PDCD6IP: variants seen among roughly 807,000 people sequenced by gnomAD.
PDCD6IP encodes the protein programmed cell death 6-interacting protein.
In PDCD6IP, 43 loss-of-function variants were observed where a neutral mutation model predicts 103.7. That is an observed-to-expected ratio of 0.41 (90% CI 0.32 to 0.53). The LOEUF (loss-of-function observed/expected upper bound fraction) is 0.53. Among genes scored for constraint, PDCD6IP ranks in the 20% least tolerant of loss-of-function variants. The pLI is 0.16. For missense variants in PDCD6IP, 871 were observed against 1,036.7 expected (o/e 0.84, Z 2.20); for synonymous variants, 354 against 378.7 (o/e 0.93, Z 0.76).
At chr3:33,847,692 T>C (rs1697624749) in intron 12 of PDCD6IP, among the ~76,000 whole-genome samples, 1 of 152,250 alleles carries the variant, frequency 6.6e-6, no homozygotes, top group Admixed American at 6.5e-5. Flanking sequence ...TCAGTCTCTT[T>C]GGACATCTGG....
At position 33,828,845 on chromosome 3, in the gene PDCD6IP, A is replaced by G; in HGVS notation, c.718-8A>G. The G allele has an allele frequency of 6.2e-7, 1 of 1,612,654 alleles. No individual in the cohort carries two copies. Among genetic ancestry groups the G allele is most frequent in the Non-Finnish European group, 8.5e-7 (1 of 1,179,036 alleles). On this transcript the variant is annotated splice_polypyrimidine_tract_variant and splice_region_variant and intron_variant, in intron 6 of 17. Transcript: ENST00000307296. ...GGACTCTCCCCTGGTCAGTATTTTT[A>G]TTTCCAGGAGGTGTTCCCTGTCTTG...
At chr3:33,863,340 A>G (rs1319478411) in intron 15 of PDCD6IP, among the ~76,000 whole-genome samples, 1 of 152,212 alleles carries the variant, frequency 6.6e-6, no homozygotes, top group Non-Finnish European at 1.5e-5. Flanking sequence ...ATTAACTATC[A>G]TCACCCTATG....
intron 15 of PDCD6IP, among the ~76,000 whole-genome samples, chr3:33,863,489 C>T (rs1311548464): frequency 1.3e-5 from 2 of 152,170 alleles, no homozygotes; most frequent in African/African-American, 4.8e-5. Flanking sequence ...GTTTTTAGCT[C>T]ACACATATGG....
At chr3:33,811,896 T>C (rs1472538820) in intron 1 of PDCD6IP, among the ~76,000 whole-genome samples, 176 bp from the exon 2 acceptor site, 1 of 152,234 alleles carries the variant, frequency 6.6e-6, no homozygotes, top group Non-Finnish European at 1.5e-5. Flanking sequence ...GTTCATAGTT[T>C]TTCACTGCAT....
rs759104837 is a variant in PDCD6IP at position 33,866,487 on chromosome 3, C to G, written c.2569C>G (p.Pro857Ala). ...ACCCCAGCAGCCTTCATACCCCTTC[C>G]CTCAGCCCCCACAGCAGTCTTACTA... ...PGPQQPSYPF[P>A]QPPQQSYYPQ... is the part of the protein sequence containing the mutation. Residue 857 changes from proline to alanine, a missense_variant, in exon 18 of 18, where the codon CCT becomes GCT. By Grantham distance (27) the Pro-to-Ala change is conservative. Coordinates refer to ENST00000307296, the MANE Select transcript of PDCD6IP (RefSeq NM_013374.6). The G allele has an allele frequency of 4.3e-6, 7 of 1,611,772 alleles. No homozygotes were observed. The Admixed American group carries it at 1.2e-4, about 27-fold the overall frequency.
chr3:33,863,951 A>G, intron 15 of PDCD6IP, 55 bp from the exon 16 acceptor site: 1 of 1,117,132 alleles, frequency 9.0e-7, no homozygotes. Flanking sequence ...CTGATATTTT[A>G]TGTGTGTTAA....
chr3:33,836,394 AAT>A, intron 8 of PDCD6IP, 128 bp downstream of exon 8: 1 of 614,406 alleles, frequency 1.6e-6, no homozygotes, highest in Non-Finnish European at 2.9e-6. Context: ...GTTTAAAATG[AAT>A]ATGAGAATAA....
chr3:33,855,928 A>G (rs1057245240), intron 15 of PDCD6IP, among the ~76,000 whole-genome samples: 14 of 152,194 alleles, frequency 9.2e-5, no homozygotes, highest in African/African-American at 3.4e-4. Flanking sequence ...GGGGCCTTGG[A>G]CTGGTACTGG....
intron 6 of PDCD6IP, chr3:33,826,944 T>G: frequency 1.0e-6 from 1 of 1,003,182 alleles, no homozygotes. Context: ...ATTCACACTT[T>G]TAATTATTGT....
At chr3:33,865,185 A>T in intron 16 of PDCD6IP, 58 bp from the exon 17 acceptor site, 1 of 1,214,548 alleles carries the variant, frequency 8.2e-7, no homozygotes, top group Non-Finnish European at 1.1e-6. Flanking sequence ...ATTTTAATTA[A>T]TAGCAATTTG....
At chr3:33,848,826 TTGTA>T (rs1697653114) in intron 12 of PDCD6IP, among the ~76,000 whole-genome samples, 1 of 152,228 alleles carries the variant, frequency 6.6e-6, no homozygotes, top group Admixed American at 6.5e-5. Flanking sequence ...CCTCTTCTCT[TTGTA>T]TGTTCTGTGA....
chr3:33,858,647 A>G (rs1055231205), intron 15 of PDCD6IP, among the ~76,000 whole-genome samples: 3 of 152,094 alleles, frequency 2.0e-5, no homozygotes, highest in Middle Eastern at 3.2e-3. Context: ...CGTCTCTACT[A>G]AAAATACAAA....
At chr3:33,843,785 C>T (rs1272603587) in intron 10 of PDCD6IP, among the ~76,000 whole-genome samples, 2 of 151,268 alleles carry the variant, frequency 1.3e-5, no homozygotes, top group Non-Finnish European at 2.9e-5. Context: ...ATCAGTTTTC[C>T]CCTTTTGTTT....
intron 15 of PDCD6IP, among the ~76,000 whole-genome samples, chr3:33,858,514 G>T (rs753692000): frequency 1.6e-4 from 24 of 151,556 alleles, no homozygotes; most frequent in African/African-American, 2.2e-4. Context: ...CATAAATAAA[G>T]AAATAAACAT....
chr3:33,832,643 CTT>C (rs1697267288), intron 7 of PDCD6IP, among the ~76,000 whole-genome samples: 1 of 152,138 alleles, frequency 6.6e-6, no homozygotes, highest in African/African-American at 2.4e-5. Context: ...GACATTCTGA[CTT>C]TATCACACAT....
rs772935061 is a variant in PDCD6IP at position 33,836,169 on chromosome 3, T to C, written c.960T>C (p.His320=). ...AAKKDNDFIY[H]DRVPDLKDLD... Reference sequence around the variant, plus strand: ...AGAAGGATAATGACTTCATTTATCATGATCGAGTTCCAGACCTTAAAGATC... The same window carrying C: ...AGAAGGATAATGACTTCATTTATCACGATCGAGTTCCAGACCTTAAAGATC... Residue 320 remains histidine, a synonymous_variant, in exon 8 of 18, where the codon CAT becomes CAC. Transcript: ENST00000307296. The C allele has an allele frequency of 1.9e-6, 3 of 1,613,060 alleles. No homozygotes were observed. The highest frequency in any genetic ancestry group is 1.7e-5 in the Admixed American group (1 of 60,010).
rs931298526 is a variant in PDCD6IP at position 33,867,086 on chromosome 3, A to G, written c.*561A>G. The G allele has an allele frequency of 6.6e-6, 1 of 152,156 alleles. No individual in the cohort carries two copies. The highest frequency in any genetic ancestry group is 1.9e-4 in the East Asian group (1 of 5,200). 9.4% of individuals were successfully genotyped at this position (152,156 alleles called of 1,614,324 possible). A position where few individuals can be genotyped will look rare whatever the true frequency, so the allele number is the denominator to read the frequency against. ...GGTATTAGTCTCATTTTGTATGTATATAAGTTAAACAGATACTGTTTTTAA... is the reference window on the plus strand; with the variant it reads ...GGTATTAGTCTCATTTTGTATGTATGTAAGTTAAACAGATACTGTTTTTAA... On this transcript the variant is annotated 3_prime_UTR_variant, in exon 18 of 18. Coordinates refer to ENST00000307296, the MANE Select transcript of PDCD6IP (RefSeq NM_013374.6).
At chr3:33,854,540 A>T (rs1444772987) in intron 14 of PDCD6IP, 7 of 152,254 alleles carry the variant, frequency 4.6e-5, no homozygotes, top group Non-Finnish European at 1.0e-4. Context: ...TTTTGAGGGA[A>T]CAGTGATTTT....
chr3:33,856,027 C>G (rs140655111), intron 15 of PDCD6IP, among the ~76,000 whole-genome samples: 3 of 152,270 alleles, frequency 2.0e-5, no homozygotes, highest in African/African-American at 7.2e-5. Flanking sequence ...CTGAGCCCCA[C>G]CTCCTGTCAG....
Sources: allele counts gnomAD v4.1 joint callset (sites outside exome capture counted in the v4.1 genomes callset), GRCh38; gene constraint gnomAD v4.1.1; transcripts MANE v1.5; gene names NCBI Gene and HGNC (gene_info 2026-07-23, HGNC 2026-07-21).